The following KYNU variants were observed in gnomAD, a reference collection of about 807,000 sequenced individuals.
The protein encoded by KYNU is L-kynurenine hydrolase.
A neutral mutation model predicts 59.2 loss-of-function variants in KYNU; 54 were observed. That is an observed-to-expected ratio of 0.91 (90% CI 0.73 to 1.14). The LOEUF is 1.14. KYNU is among the 50% of genes most tolerant of loss of function. The pLI is 0.00. For missense variants in KYNU, 567 were observed against 554.4 expected, an observed-to-expected ratio of 1.02 and a Z score of -0.23; for synonymous variants, 177 against 192.0, an observed-to-expected ratio of 0.92 and a Z score of 0.65.
intron 4 of KYNU, among the ~76,000 whole-genome samples, chr2:142,929,001 C>A (rs1430027922): frequency 1.9e-5 from 2 of 104,430 alleles, no homozygotes; most frequent in African/African-American, 3.9e-5. Context: ...GGGTGACACC[C>A]TGTCTCAAAA....
chr2:142,919,122 C>T (rs937539159), intron 3 of KYNU, among the ~76,000 whole-genome samples: 15 of 152,140 alleles, frequency 9.9e-5, no homozygotes, highest in African/African-American at 3.6e-4. Flanking sequence ...TATTTTTGAT[C>T]CGCAGTTGGT....
chr2:142,903,660 G>A (rs1682185583), intron 2 of KYNU, among the ~76,000 whole-genome samples: 1 of 152,110 alleles, frequency 6.6e-6, no homozygotes, highest in African/African-American at 2.4e-5. Context: ...CTCTGTGAGG[G>A]TGATGGCATG....
At chr2:143,036,563 T>C (rs1686900295) in intron 12 of KYNU, among the ~76,000 whole-genome samples, 1 of 152,196 alleles carries the variant, frequency 6.6e-6, no homozygotes, top group Admixed American at 6.5e-5. Flanking sequence ...ATATTTAGGC[T>C]AAATTGTGGG....
At chr2:142,931,455 T>C (rs1353349180) in intron 4 of KYNU, among the ~76,000 whole-genome samples, 1 of 152,202 alleles carries the variant, frequency 6.6e-6, no homozygotes, top group East Asian at 1.9e-4. Context: ...AAGACAGTTA[T>C]GTTGAGAGGA....
At chr2:142,908,834 CTG>C (rs976085008) in intron 2 of KYNU, among the ~76,000 whole-genome samples, 1 of 152,158 alleles carries the variant, frequency 6.6e-6, no homozygotes, top group African/African-American at 2.4e-5. Context: ...CAGGGTTTCA[CTG>C]TGTTAGCCAG....
chr2:142,902,676 A>G (rs528468047), intron 2 of KYNU, among the ~76,000 whole-genome samples: 2 of 152,350 alleles, frequency 1.3e-5, no homozygotes, highest in Non-Finnish European at 2.9e-5. Flanking sequence ...CCTTGTAGCC[A>G]CAAGTGGTGA....
intron 1 of KYNU, among the ~76,000 whole-genome samples, chr2:142,883,936 T>A (rs1048096134): frequency 2.6e-5 from 4 of 152,192 alleles, no homozygotes; most frequent in Non-Finnish European, 5.9e-5. Context: ...AGTAAATAAA[T>A]GTATAAATTA....
chr2:142,966,114 T>C (rs1429105853), intron 8 of KYNU, among the ~76,000 whole-genome samples: 1 of 152,120 alleles, frequency 6.6e-6, no homozygotes, highest in East Asian at 1.9e-4. Flanking sequence ...GAATAGACTT[T>C]CCCACAAATT....
intron 2 of KYNU, among the ~76,000 whole-genome samples, chr2:142,911,864 G>A (rs1682490043): frequency 6.6e-6 from 1 of 152,132 alleles, no homozygotes; most frequent in African/African-American, 2.4e-5. Flanking sequence ...ATTTACATGT[G>A]TTGAATCAAT....
intron 2 of KYNU, among the ~76,000 whole-genome samples, chr2:142,906,055 C>T (rs1387550288): frequency 6.9e-6 from 1 of 145,116 alleles, no homozygotes; most frequent in Non-Finnish European, 1.5e-5. Flanking sequence ...CTCTCTGCCT[C>T]TTTCTCTTTC....
At chr2:142,981,661 G>A (rs1030758886) in intron 8 of KYNU, among the ~76,000 whole-genome samples, 3 of 151,900 alleles carry the variant, frequency 2.0e-5, no homozygotes, top group Admixed American at 6.6e-5. Flanking sequence ...TCTTTGGTGA[G>A]GAACAAAGAA....
rs191998910 is a variant in KYNU, at chr2:143,017,679, C to A, written c.903-11948C>A. Among the ~76,000 whole-genome samples the A allele has an allele frequency of 3.3e-3, 509 of 152,076 alleles. 1 individual carries two copies. Among genetic ancestry groups the A allele is most frequent in the Non-Finnish European group, 5.8e-3 (394 of 67,954 alleles). On this transcript the variant is annotated intron_variant, in intron 10 of 13. Transcript: ENST00000264170. The stretch of plus-strand genomic sequence containing the variant: ...TTTCAAACTCCTGACCTCAGGTGAT[C>A]CACCTGACTTGGCCTCCCAAAGTGC...
In KYNU at chr2:143,053,469, G is replaced by A. The variant is rs1305439370; in HGVS notation, c.*11297G>A. The A allele has an allele frequency of 6.6e-6, 1 of 152,160 alleles. No individual in the cohort carries two copies. Among genetic ancestry groups the A allele is most frequent in the African/African-American group, 2.4e-5 (1 of 41,424 alleles). The allele number at this position is 152,160 out of a possible 1,614,324, so 9.4% of individuals were successfully genotyped here. A position where few individuals can be genotyped will look rare whatever the true frequency, so the allele number is the denominator to read the frequency against. On this transcript the variant is annotated 3_prime_UTR_variant, in exon 14 of 14. Transcript: ENST00000264170. ...GTGAGAACATTTAAGAGGGGCCAGG[G>A]GCAGAATGATATGGTTTGACTTTGT... is the stretch of plus-strand genomic sequence containing the variant.
In KYNU at chr2:143,033,358, C is replaced by T. The variant is rs377199248; in HGVS notation, c.1041+37C>T. 30 of 1,448,760 alleles carry T rather than the reference C, an allele frequency of 2.1e-5. No homozygotes were observed. In the East Asian group the frequency reaches 2.3e-4, roughly 11 times the overall value. The allele number at this position is 1,448,760 out of a possible 1,614,324, so 89.7% of individuals were successfully genotyped here. A position where few individuals can be genotyped will look rare whatever the true frequency, so the allele number is the denominator to read the frequency against. The stretch of plus-strand genomic sequence containing the variant: ...GTGTTTCAACCTTCCCACATCTTTG[C>T]GTTTTTTCTTGATCTGTTTGTGACA... On this transcript the variant is annotated intron_variant, in intron 12 of 13. Coordinates refer to ENST00000264170, the MANE Select transcript of KYNU (RefSeq NM_003937.3).
intron 10 of KYNU, among the ~76,000 whole-genome samples, chr2:143,013,076 G>A (rs1686156724): frequency 6.6e-6 from 1 of 152,020 alleles, no homozygotes; most frequent in Non-Finnish European, 1.5e-5. Flanking sequence ...GCACACTGCA[G>A]CCTTAAACTC....
chr2:142,888,759 A>C (rs1430563336), intron 2 of KYNU, among the ~76,000 whole-genome samples: 1 of 151,462 alleles, frequency 6.6e-6, no homozygotes, highest in Admixed American at 6.6e-5. Context: ...CTAAGGATTC[A>C]TGTATTCGGC....
At chr2:142,912,948 G>C (rs553761900) in intron 2 of KYNU, among the ~76,000 whole-genome samples, 4 of 150,166 alleles carry the variant, frequency 2.7e-5, no homozygotes, top group Admixed American at 2.0e-4. Flanking sequence ...TCCTGACCTC[G>C]TGATCCATCC....
chr2:143,041,634 G>A (rs1291668536), intron 13 of KYNU, among the ~76,000 whole-genome samples: 1 of 151,858 alleles, frequency 6.6e-6, no homozygotes, highest in East Asian at 1.9e-4. Context: ...TGAGATCAAA[G>A]ATTAGAGAAT....
chr2:142,905,843 C>T (rs1031061235), intron 2 of KYNU, among the ~76,000 whole-genome samples: 6 of 152,182 alleles, frequency 3.9e-5, no homozygotes, highest in African/African-American at 9.7e-5. Flanking sequence ...CTTGTTTACA[C>T]TGACAACAAG....
Sources: allele counts gnomAD v4.1 joint callset (sites outside exome capture counted in the v4.1 genomes callset), GRCh38; gene constraint gnomAD v4.1.1; transcripts MANE v1.5; gene names NCBI Gene and HGNC (gene_info 2026-07-23, HGNC 2026-07-21).